Variants in AGAP1 observed in about 807,000 individuals in gnomAD.
The protein encoded by AGAP1 is ArfGAP with GTPase domain, ankyrin repeat and PH domain 1, also known as arf-GAP with GTPase, ANK repeat and PH domain-containing protein 1.
Under a neutral mutation model 105.3 loss-of-function variants are expected in AGAP1, and 29 were observed. That is an observed-to-expected ratio of 0.28 (90% CI 0.21 to 0.38). The LOEUF (loss-of-function observed/expected upper bound fraction) is 0.38. Among genes scored for constraint, AGAP1 ranks in the 10% least tolerant of loss-of-function variants. AGAP1 has a pLI of 1.00. For synonymous variants in AGAP1, 509 were observed against 485.9 expected (o/e 1.05, Z -0.63); for missense variants, 998 against 1,165.1 (o/e 0.86, Z 2.09).
In AGAP1 at chr2:235,971,914, G is replaced by A. The variant is rs982817449; in HGVS notation, c.1645+3291G>A. Among the ~76,000 whole-genome samples, 10 of 151,254 alleles carry A rather than the reference G, an allele frequency of 6.6e-5. No individual in the cohort carries two copies. Among genetic ancestry groups the A allele is most frequent in the Admixed American group, 3.3e-4 (5 of 15,178 alleles). On this transcript the variant is annotated intron_variant, in intron 13 of 17. Transcript: ENST00000304032. This position sits in a 1 kb window ranked among gnomAD's most constrained non-coding sequence, Gnocchi z 4.8. ...CCACCTCAGCCTCCCAAGTAGCTGGGACCACAGGCAGGCACCACGACACCT... is the reference window on the plus strand; with the variant it reads ...CCACCTCAGCCTCCCAAGTAGCTGGAACCACAGGCAGGCACCACGACACCT...
In AGAP1 at chr2:235,829,833, C is replaced by T. The variant is rs116261020; in HGVS notation, c.1050+22502C>T. On this transcript the variant is annotated intron_variant, in intron 9 of 17. Coordinates refer to ENST00000304032, the MANE Select transcript of AGAP1 (RefSeq NM_001037131.3). ...GGCTGCTTGGCCCTGGGGAGTTTGC[C>T]GTGCAGGGGGTGGTCAAGGACCAGA... 2.3e-3 allele frequency among the ~76,000 whole-genome samples: 345 copies of T among 152,138 alleles called. 2 individuals are homozygous for T. The highest frequency in any genetic ancestry group is 7.9e-3 in the African/African-American group (328 of 41,482).
chr2:235,796,824 A>C (rs183279970), intron 6 of AGAP1, among the ~76,000 whole-genome samples: 1 of 152,352 alleles, frequency 6.6e-6, no homozygotes, highest in Admixed American at 6.5e-5. Flanking sequence ...AATTACTGCT[A>C]GTCCCCAAAG....
intron 12 of AGAP1, among the ~76,000 whole-genome samples, chr2:235,949,975 T>C (rs1274004662): frequency 6.6e-6 from 1 of 152,222 alleles, no homozygotes; most frequent in Non-Finnish European, 1.5e-5. Flanking sequence ...CTTCCTTTTC[T>C]GTAGCCAGCG....
intron 1 of AGAP1, among the ~76,000 whole-genome samples, chr2:235,502,813 G>A (rs1204513555): frequency 6.7e-6 from 1 of 148,400 alleles, no homozygotes; most frequent in East Asian, 2.1e-4. Context: ...TTGGAGAAAT[G>A]TCAGCATTCA....
Position 235,610,964 on chromosome 2 carries a change from C to T in AGAP1, c.164-98215C>T, listed in dbSNP as rs752537593. 1.3e-5 allele frequency among the ~76,000 whole-genome samples: 2 copies of T among 152,052 alleles called. No individual in the cohort carries two copies. Among genetic ancestry groups the T allele is most frequent in the Admixed American group, 6.5e-5 (1 of 15,280 alleles). ...GCGGCCCAGTAGGATGGTTGACTGA[C>T]GTTAGCTTGGCTTTCTTCCTAAGGC... is the stretch of plus-strand genomic sequence containing the variant. On this transcript the variant is annotated intron_variant, in intron 1 of 17. Transcript: ENST00000304032. This position sits in a 1 kb window ranked among gnomAD's most constrained non-coding sequence, Gnocchi z 4.9.
rs1011434398 is a variant in AGAP1 at position 235,994,704 on chromosome 2, G to A, written c.1645+26081G>A. ...AGTGCGAAGTTGTTTAGATTTCCAC[G>A]TTACACAAACACACAAGCTTCTCAG... On this transcript the variant is annotated intron_variant, in intron 13 of 17. Transcript: ENST00000304032. This position sits in a 1 kb window ranked among gnomAD's most constrained non-coding sequence, Gnocchi z 4.4. Among the ~76,000 whole-genome samples the A allele has an allele frequency of 1.3e-5, 2 of 151,668 alleles. No individual in the cohort carries two copies. Among genetic ancestry groups the A allele is most frequent in the Non-Finnish European group, 2.9e-5 (2 of 67,958 alleles).
At chr2:235,763,062 G>A (rs1195963213) in intron 6 of AGAP1, among the ~76,000 whole-genome samples, 6 of 138,020 alleles carry the variant, frequency 4.3e-5, no homozygotes, top group South Asian at 4.3e-4. Flanking sequence ...ATGTGTGCGC[G>A]CGCGCGCACA....
At chr2:235,651,081 T>C (rs1947568661) in intron 1 of AGAP1, among the ~76,000 whole-genome samples, 1 of 147,996 alleles carries the variant, frequency 6.8e-6, no homozygotes, top group Non-Finnish European at 1.5e-5. Context: ...CTCAGGAGGC[T>C]GAGGTGGGAC....
intron 9 of AGAP1, among the ~76,000 whole-genome samples, chr2:235,828,962 G>T (rs1198258392): frequency 6.6e-6 from 1 of 152,202 alleles, no homozygotes; most frequent in Non-Finnish European, 1.5e-5. Flanking sequence ...AGTTTTGGGG[G>T]TCAGGTGTCA....
At chr2:235,632,697 C>T (rs77093148) in intron 1 of AGAP1, among the ~76,000 whole-genome samples, 1 of 152,208 alleles carries the variant, frequency 6.6e-6, no homozygotes, top group African/African-American at 2.4e-5. Flanking sequence ...GGTTCTGTCA[C>T]CTCTCCTGCT....
chr2:236,019,245 G>A (rs1259717677), intron 13 of AGAP1, among the ~76,000 whole-genome samples: 1 of 152,196 alleles, frequency 6.6e-6, no homozygotes, highest in Non-Finnish European at 1.5e-5. Flanking sequence ...CATTGCCTGC[G>A]CTGGGTGCTG....
At position 235,970,718 on chromosome 2, in the gene AGAP1, C is replaced by T. The variant is rs919140158; in HGVS notation, c.1645+2095C>T. 2.0e-5 allele frequency among the ~76,000 whole-genome samples: 3 copies of T among 152,286 alleles called. No homozygotes were observed. The highest frequency in any genetic ancestry group is 2.4e-5 in the African/African-American group (1 of 41,546). The stretch of plus-strand genomic sequence containing the variant: ...TGTAAATGAGTGAATAAATCAGTAG[C>T]GTTTCTGCACATTTGATGGAGCAGC... On this transcript the variant is annotated intron_variant, in intron 13 of 17. Transcript: ENST00000304032. This position sits in a 1 kb window ranked among gnomAD's most constrained non-coding sequence, Gnocchi z 5.4.
chr2:235,936,015 C>T lies in AGAP1; in HGVS notation c.1483+5092C>T, dbSNP rs1417350867. Among the ~76,000 whole-genome samples the T allele has an allele frequency of 1.3e-5, 2 of 152,190 alleles. No homozygotes were observed. The highest frequency in any genetic ancestry group is 2.9e-5 in the Non-Finnish European group (2 of 68,036). ...TGGCTCCTGCCTGGGCCAGCCTCGT[C>T]GGGTGGTCTCAGCTAATGCTGTTGC... On this transcript the variant is annotated intron_variant, in intron 12 of 17. Transcript: ENST00000304032. This position sits in a 1 kb window ranked among gnomAD's most constrained non-coding sequence, Gnocchi z 4.7.
At chr2:236,022,709 A>AT (rs1318746821) in intron 13 of AGAP1, among the ~76,000 whole-genome samples, 3 of 152,044 alleles carry the variant, frequency 2.0e-5, no homozygotes, top group Non-Finnish European at 4.4e-5. Context: ...TGCTTTTTGT[A>AT]TTTTTGGTAG....
At chr2:235,849,411 A>G (rs942821641) in intron 9 of AGAP1, among the ~76,000 whole-genome samples, 4 of 152,186 alleles carry the variant, frequency 2.6e-5, no homozygotes, top group African/African-American at 9.7e-5. Flanking sequence ...ATCAAATGTA[A>G]AAGTGATTTC....
intron 9 of AGAP1, among the ~76,000 whole-genome samples, chr2:235,840,726 T>C (rs1381812539): frequency 6.6e-6 from 1 of 151,132 alleles, no homozygotes; most frequent in African/African-American, 2.4e-5. Context: ...ATAGGACCGA[T>C]GGACAGGTTG....
rs1197749708 is a variant in AGAP1, at chr2:235,622,876, C to T, written c.164-86303C>T. On this transcript the variant is annotated intron_variant, in intron 1 of 17. Transcript: ENST00000304032. This position sits in a 1 kb window ranked among gnomAD's most constrained non-coding sequence, Gnocchi z 5.0. Reference sequence around the variant, plus strand: ...GAAAGTAAGATGTGATGTTAATAGTCTCTTCTTGGAGTCAGCACTGCTTCA... The same window carrying T: ...GAAAGTAAGATGTGATGTTAATAGTTTCTTCTTGGAGTCAGCACTGCTTCA... 6.6e-6 allele frequency among the ~76,000 whole-genome samples: 1 copy of T among 152,094 alleles called. No homozygotes were observed. Among genetic ancestry groups the T allele is most frequent in the African/African-American group, 2.4e-5 (1 of 41,428 alleles).
Position 235,741,437 on chromosome 2 carries a change from G to A in AGAP1, c.396+389G>A, listed in dbSNP as rs1448899324. ...GCAGTGAGAGTTAGAGAGCTTGCTG[G>A]GTGCAATTGGGAGTCCCACCTTCTC... On this transcript the variant is annotated intron_variant, in intron 4 of 17. Coordinates refer to ENST00000304032, the MANE Select transcript of AGAP1 (RefSeq NM_001037131.3). This position sits in a 1 kb window ranked among gnomAD's most constrained non-coding sequence, Gnocchi z 4.9. 6.6e-6 allele frequency among the ~76,000 whole-genome samples: 1 copy of A among 152,122 alleles called. No homozygotes were observed. The highest frequency in any genetic ancestry group is 1.5e-5 in the Non-Finnish European group (1 of 68,016).
At chr2:235,709,795 T>C (rs1268687646) in intron 2 of AGAP1, among the ~76,000 whole-genome samples, 1 of 152,206 alleles carries the variant, frequency 6.6e-6, no homozygotes, top group Non-Finnish European at 1.5e-5. Flanking sequence ...AATTGGCACG[T>C]GTAAAAAGTG....
Sources: allele counts gnomAD v4.1 joint callset (sites outside exome capture counted in the v4.1 genomes callset), GRCh38; gene constraint gnomAD v4.1.1; non-coding constraint Gnocchi (gnomAD v3.1); transcripts MANE v1.5; gene names NCBI Gene and HGNC (gene_info 2026-07-23, HGNC 2026-07-21).